The following EYS variants were observed in gnomAD, a reference collection of about 807,000 sequenced individuals.
EYS encodes protein eyes shut homolog.
EYS carries 250 observed loss-of-function variants against 282.1 expected under a neutral mutation model. That is an observed-to-expected ratio of 0.89 (90% CI 0.80 to 0.98). The LOEUF is 0.98. Among genes scored for constraint, EYS ranks in the 50% least tolerant of loss-of-function variants. The probability of loss-of-function intolerance (pLI) is 0.00; values close to 1 mark genes in which losing one functional copy is unlikely to be tolerated. For missense variants in EYS, 4,016 were observed against 3,709.0 expected (o/e 1.08, Z -2.15); for synonymous variants, 1,355 against 1,282.9 (o/e 1.06, Z -1.20).
intron 1 of EYS, among the ~76,000 whole-genome samples, chr6:65,675,063 C>T (rs1316787947): frequency 6.6e-6 from 1 of 151,694 alleles, no homozygotes; most frequent in Non-Finnish European, 1.5e-5. Context: ...AATTATAAGA[C>T]GTTTTATGGA....
At chr6:63,870,257 C>T (rs975203184) in intron 35 of EYS, among the ~76,000 whole-genome samples, 1 of 152,146 alleles carries the variant, frequency 6.6e-6, no homozygotes, top group South Asian at 2.1e-4. Context: ...GCCATTTCAC[C>T]CATTCCCCTG....
chr6:65,061,933 A>AT (rs1014003401), intron 12 of EYS, among the ~76,000 whole-genome samples: 3 of 151,522 alleles, frequency 2.0e-5, no homozygotes, highest in Non-Finnish European at 3.0e-5. Flanking sequence ...CTTACTCTTT[A>AT]TTTTTTTGTG....
intron 22 of EYS, among the ~76,000 whole-genome samples, chr6:64,654,649 A>C (rs1237780960): frequency 6.6e-6 from 1 of 152,212 alleles, no homozygotes; most frequent in Non-Finnish European, 1.5e-5. Context: ...ACAACACCTG[A>C]AAAATGTTAT....
chr6:63,726,561 C>T lies in EYS; in HGVS notation c.8191G>A (p.Gly2731Ser). 6.4e-7 allele frequency: 1 copy of T among 1,551,254 alleles called. No homozygotes were observed. The highest frequency in any genetic ancestry group is 1.4e-5 in the African/African-American group (1 of 73,122). Residue 2731 changes from glycine (G) to serine (S), a missense_variant, in exon 42 of 43, where the codon GGT becomes AGT. By Grantham distance (56) the Gly-to-Ser change is moderately conservative. Transcript: ENST00000503581. ...TGTTGTGCAGCATAAAATAGGATAC[C>T]ATCTGCAGCGAGAGGCTGAAACTGC... ...QLQFQPLAAD[G>S]ILFYAAQHLK...
intron 2 of EYS, among the ~76,000 whole-genome samples, chr6:65,627,724 G>C (rs1220380052): frequency 6.6e-6 from 1 of 152,180 alleles, no homozygotes; most frequent in Non-Finnish European, 1.5e-5. Context: ...TCCCCCAGCA[G>C]TGCCAGCCCA....
intron 36 of EYS, among the ~76,000 whole-genome samples, chr6:63,837,921 A>G (rs1325465998): frequency 3.3e-5 from 5 of 152,172 alleles, no homozygotes; most frequent in African/African-American, 9.6e-5. Context: ...GTGAAGGCAC[A>G]TGAATTTTGA....
intron 19 of EYS, among the ~76,000 whole-genome samples, chr6:64,847,060 A>T (rs903071271): frequency 7.9e-5 from 12 of 152,102 alleles, no homozygotes; most frequent in Admixed American, 4.6e-4. Flanking sequence ...GAACAGAACA[A>T]AAAGGCAAAG....
intron 14 of EYS, among the ~76,000 whole-genome samples, chr6:64,990,503 T>C (rs1469720951): frequency 1.3e-5 from 2 of 151,646 alleles, no homozygotes; most frequent in Admixed American, 6.6e-5. Flanking sequence ...TGTCTCATAA[T>C]TCTTTCAAAA....
At chr6:64,004,132 C>T (rs548241849) in intron 33 of EYS, among the ~76,000 whole-genome samples, 5 of 152,150 alleles carry the variant, frequency 3.3e-5, no homozygotes, top group Admixed American at 2.0e-4. Context: ...TTCTTAATCT[C>T]GCTTTTACTC....
intron 31 of EYS, among the ~76,000 whole-genome samples, chr6:64,114,877 C>T (rs1316602932): frequency 6.6e-6 from 1 of 152,046 alleles, no homozygotes; most frequent in East Asian, 1.9e-4. Context: ...TTCCCCTCGC[C>T]CAACCCAACA....
At chr6:64,606,506 A>T (rs1324235865) in intron 24 of EYS, among the ~76,000 whole-genome samples, 1 of 152,004 alleles carries the variant, frequency 6.6e-6, no homozygotes, top group South Asian at 2.1e-4. Context: ...ACCAACCCAA[A>T]CAGCCACAGT....
chr6:65,430,002 A>G (rs1404689121), intron 5 of EYS, among the ~76,000 whole-genome samples: 1 of 152,174 alleles, frequency 6.6e-6, no homozygotes, highest in Non-Finnish European at 1.5e-5. Context: ...TATTATTCCC[A>G]TTACAGATTA....
chr6:64,079,694 G>GTATA (rs1278018986), intron 32 of EYS, among the ~76,000 whole-genome samples: 1 of 151,922 alleles, frequency 6.6e-6, no homozygotes, highest in African/African-American at 2.4e-5. Context: ...TTTACATTAG[G>GTATA]TATATCTCCT....
intron 12 of EYS, among the ~76,000 whole-genome samples, chr6:65,200,861 G>T (rs1316622246): frequency 2.0e-5 from 3 of 151,922 alleles, no homozygotes; most frequent in Middle Eastern, 3.4e-3. Context: ...ACAAATAGAA[G>T]AAAAATTAGG....
Position 65,499,548 on chromosome 6 carries a change from G to A in EYS, c.-332-3555C>T, listed in dbSNP as rs566831416. On this transcript the variant is annotated intron_variant, in intron 2 of 42. Coordinates refer to ENST00000503581, the MANE Select transcript of EYS (RefSeq NM_001142800.2). ...TTTTTATTTGTATAAATTATACATT[G>A]TACTTTCAAAACATATACAAAGAGG... is the stretch of plus-strand genomic sequence containing the variant. Among the ~76,000 whole-genome samples the A allele has an allele frequency of 1.7e-4, 26 of 151,964 alleles. No individual in the cohort carries two copies. In the East Asian group the frequency reaches 4.6e-3, roughly 27 times the overall value.
intron 5 of EYS, among the ~76,000 whole-genome samples, chr6:65,484,517 G>C (rs1765719840): frequency 6.6e-6 from 1 of 152,062 alleles, no homozygotes; most frequent in Non-Finnish European, 1.5e-5. Context: ...AGATTTTATT[G>C]TATCAATCAT....
chr6:64,079,656 T>C (rs1018663252), intron 32 of EYS, among the ~76,000 whole-genome samples: 10 of 152,134 alleles, frequency 6.6e-5, no homozygotes, highest in Non-Finnish European at 1.3e-4. Flanking sequence ...ATGTGCCATG[T>C]TGGTGTGCTG....
At chr6:63,786,189 T>A (rs1470257439) in intron 39 of EYS, 2 of 124,634 alleles carry the variant, frequency 1.6e-5, no homozygotes, top group Non-Finnish European at 3.2e-5. Flanking sequence ...CCAGCCTTGA[T>A]GACACAGCGA....
At chr6:64,487,141 A>G (rs1335430579) in intron 26 of EYS, among the ~76,000 whole-genome samples, 6 of 151,172 alleles carry the variant, frequency 4.0e-5, no homozygotes, top group African/African-American at 1.5e-4. Flanking sequence ...ATAGAGATTT[A>G]TTGGCACTTA....
Sources: gnomAD v4.1 joint callset for allele counts (sites outside exome capture counted in the v4.1 genomes callset) on GRCh38, gnomAD v4.1.1 for gene constraint, MANE v1.5 for transcripts, NCBI Gene and HGNC (gene_info 2026-07-23, HGNC 2026-07-21) for gene names.